Variants in NLRP14 observed in about 807,000 individuals in gnomAD.
The protein encoded by NLRP14 is NACHT, LRR and PYD domains-containing protein 14.
Under a neutral mutation model 94.7 loss-of-function variants are expected in NLRP14, and 105 were observed. The observed-to-expected ratio is 1.11, with a 90% CI of 0.95 to 1.30. The LOEUF (loss-of-function observed/expected upper bound fraction) is 1.30. NLRP14 is among the 50% of genes most tolerant of loss of function. The probability of loss-of-function intolerance (pLI) is 0.00; values close to 1 mark genes in which losing one functional copy is unlikely to be tolerated. For missense variants in NLRP14, 1,362 were observed against 1,254.1 expected (o/e 1.09, Z -1.30); for synonymous variants, 508 against 459.9 (o/e 1.10, Z -1.34).
At chr11:7,028,746 C>G (rs1429171680) in intron 1 of NLRP14, among the ~76,000 whole-genome samples, 7 of 152,118 alleles carry the variant, frequency 4.6e-5, no homozygotes, top group African/African-American at 1.7e-4. Flanking sequence ...ATTTCTTCAA[C>G]TTGCCATTCT....
At chr11:7,086,230 A>T in the NLRP14 span, among the ~76,000 whole-genome samples, 1 of 152,342 alleles carries the variant, frequency 6.6e-6, no homozygotes, top group East Asian at 1.9e-4. Context: ...TTTGACAATA[A>T]CTATCCTAAT....
At chr11:7,047,341 G>T (rs1312679923) in intron 5 of NLRP14, among the ~76,000 whole-genome samples, 1 of 151,054 alleles carries the variant, frequency 6.6e-6, no homozygotes, top group Non-Finnish European at 1.5e-5. Flanking sequence ...CTGAGACAGG[G>T]TCTTACTCTG....
At position 7,070,328 on chromosome 11, in the gene NLRP14, C is replaced by A. The variant is rs1333599373; in HGVS notation, c.3018C>A (p.Leu1006=). The part of the protein sequence containing the change: ...CGLTSLCCQD[L]SSALICNKRL... ...TGACATCTCTCTGCTGTCAAGATCTCTCCTCTGCTCTTATCTGCAACAAAA... is the reference window on the plus strand; with the variant it reads ...TGACATCTCTCTGCTGTCAAGATCTATCCTCTGCTCTTATCTGCAACAAAA... Residue 1006 remains leucine, a synonymous_variant, in exon 11 of 12, where the codon CTC becomes CTA. Coordinates refer to ENST00000299481, the MANE Select transcript of NLRP14 (RefSeq NM_176822.4). 1.7e-5 allele frequency: 27 copies of A among 1,611,696 alleles called. No homozygotes were observed. The highest frequency in any genetic ancestry group is 2.0e-5 in the Non-Finnish European group (24 of 1,177,934).
At chr11:7,037,775 A>C (rs1298422611) in intron 1 of NLRP14, among the ~76,000 whole-genome samples, 2 of 152,220 alleles carry the variant, frequency 1.3e-5, no homozygotes, top group African/African-American at 4.8e-5. Context: ...GGGAGTTTGC[A>C]GCTTAAAAGT....
At chr11:7,038,947 C>A (rs1852205049) in intron 2 of NLRP14, 72 bp downstream of exon 2, 6 of 1,450,244 alleles carry the variant, frequency 4.1e-6, no homozygotes, top group Non-Finnish European at 5.7e-6. Flanking sequence ...TGGAATGTTT[C>A]TGTAAGAGGG....
rs59846365 is a variant in NLRP14, at chr11:7,031,603, A to G, written c.-21-6963A>G. On this transcript the variant is annotated intron_variant, in intron 1 of 11. Transcript: ENST00000299481. ...CCGCTTCTTGAATCTCCTGGATTAAAGCGGTATGAATAGCCCCACTTTCAC... is the reference window on the plus strand; with the variant it reads ...CCGCTTCTTGAATCTCCTGGATTAAGGCGGTATGAATAGCCCCACTTTCAC... 8.1e-3 allele frequency among the ~76,000 whole-genome samples: 1,231 copies of G among 152,242 alleles called. 17 individuals are homozygous for G. The highest frequency in any genetic ancestry group is 0.026 in the African/African-American group (1,084 of 41,554).
intron 1 of NLRP14, among the ~76,000 whole-genome samples, chr11:7,022,687 G>A (rs10769754): frequency 0.58 from 88,519 of 152,024 alleles, 26,700 homozygotes; most frequent in East Asian, 0.74. Context: ...ATCACAGATC[G>A]GAGGAGATAA....
intron 10 of NLRP14, 60 bp from the exon 11 acceptor site, chr11:7,070,226 G>T: frequency 8.2e-7 from 1 of 1,222,306 alleles, no homozygotes; most frequent in Non-Finnish European, 1.2e-6. Context: ...CAGATCTCTT[G>T]TGGGCTTTGT....
rs1411395245 is a variant in NLRP14 at position 7,042,967 on chromosome 11, G to C, written c.941G>C (p.Arg314Thr). 3.1e-6 allele frequency: 5 copies of C among 1,614,096 alleles called. No homozygotes were observed. Among genetic ancestry groups the C allele is most frequent in the Non-Finnish European group, 4.2e-6 (5 of 1,179,968 alleles). ...ACAACAAGACTCACAACTTCTAAGA[G>C]ACTAAAGCAGTTGTTGAAGAATCAC... ...LVTTRLTTSK[R>T]LKQLLKNHHY... Residue 314 changes from arginine (R) to threonine (T), a missense_variant, in exon 4 of 12, where the codon AGA becomes ACA. Physicochemically the swap from Arg to Thr is moderately conservative, Grantham distance 71. Transcript: ENST00000299481.
Position 7,042,863 on chromosome 11 carries a change from G to A in NLRP14, c.837G>A (p.Trp279Ter). The change falls in exon 4 of 12, where the codon TGG becomes TGA. Residue 279 changes from tryptophan to a stop codon, truncating the protein, a stop_gained. Coordinates refer to ENST00000299481, the MANE Select transcript of NLRP14 (RefSeq NM_176822.4). LOFTEE classifies it high-confidence loss of function. ...CTGAGTTTGCACTGTGCGAAGACTG[G>A]ACCCAAGAACACCCAGTGTCCTTCC... ...EEPEFALCED[W>*]TQEHPVSFLM... 6.2e-7 allele frequency: 1 copy of A among 1,614,174 alleles called. No individual in the cohort carries two copies. The highest frequency in any genetic ancestry group is 8.5e-7 in the Non-Finnish European group (1 of 1,180,044).
intron 8 of NLRP14, 26 bp downstream of exon 8, chr11:7,058,476 T>C (rs186111202): frequency 1.3e-5 from 19 of 1,511,020 alleles, no homozygotes; most frequent in Non-Finnish European, 1.7e-5. Context: ...TTTTTATCCT[T>C]AATATATATT....
intron 6 of NLRP14, among the ~76,000 whole-genome samples, chr11:7,055,214 C>T (rs554072595): frequency 1.7e-4 from 26 of 152,150 alleles, no homozygotes; most frequent in African/African-American, 4.6e-4. Context: ...GATGATTCAC[C>T]TTGGTTTAGA....
rs1565016655 is a variant in NLRP14 at position 7,043,020 on chromosome 11, G to A, written c.994G>A (p.Glu332Lys). 8 of 1,614,068 alleles carry A rather than the reference G, an allele frequency of 5.0e-6. No homozygotes were observed. The highest frequency in any genetic ancestry group is 3.3e-5 in the Admixed American group (2 of 60,000). ...TTATGTAGAGCTACTAGGAATGTCT[G>A]AGGATGCAAGAGAGGAGTATATTTA... ...HHYVELLGMS[E>K]DAREEYIYQF... Residue 332 changes from glutamate to lysine, a missense_variant, in exon 4 of 12, where the codon GAG becomes AAG. By Grantham distance (56) the Glu-to-Lys change is moderately conservative. Transcript: ENST00000299481.
rs1257386225 is a variant in NLRP14 at position 7,070,476 on chromosome 11, TC to T, written c.3146+21del. 15 of 1,586,386 alleles carry T rather than the reference TC, an allele frequency of 9.5e-6. No individual in the cohort carries two copies. The highest frequency in any genetic ancestry group is 6.7e-5 in the East Asian group (3 of 44,696). Reference sequence around the variant, plus strand: ...TCTAGGGTAAGTCTCCATTGGCTTCTCAGGGGGAGCATTTCCTATAATGAGG... The same window carrying T: ...TCTAGGGTAAGTCTCCATTGGCTTCTAGGGGGAGCATTTCCTATAATGAGG... On this transcript the variant is annotated intron_variant, in intron 11 of 11. Coordinates refer to ENST00000299481, the MANE Select transcript of NLRP14 (RefSeq NM_176822.4).
intron 1 of NLRP14, 124 bp from the exon 2 acceptor site, chr11:7,038,442 A>C (rs1173320382): frequency 2.3e-5 from 18 of 772,308 alleles, no homozygotes; most frequent in Non-Finnish European, 3.7e-5. Context: ...TACCGAGCCT[A>C]ATACAGTGGG....
chr11:7,084,405 G>C, the NLRP14 span, among the ~76,000 whole-genome samples: 1 of 152,186 alleles, frequency 6.6e-6, no homozygotes, highest in Admixed American at 6.5e-5. Context: ...ATAGCTTTGG[G>C]ATGGCTGCTG....
chr11:7,046,781 A>G lies in NLRP14; in HGVS notation c.2072A>G (p.Asn691Ser), dbSNP rs1430553338. ...YHSNLDKSAM[N>S]ILHHELRHPN... ...AGCAACCTTGATAAATCAGCAATGA[A>G]TATCCTGCATCATGAACTAAGGCAC... The change falls in exon 5 of 12, where the codon AAT (asparagine) becomes AGT (serine). Residue 691 changes from asparagine (N) to serine (S), a missense_variant. Coordinates refer to ENST00000299481, the MANE Select transcript of NLRP14 (RefSeq NM_176822.4). 8 of 1,613,646 alleles carry G rather than the reference A, an allele frequency of 5.0e-6. No individual in the cohort carries two copies. Among genetic ancestry groups the G allele is most frequent in the Non-Finnish European group, 6.8e-6 (8 of 1,179,650 alleles).
chr11:7,021,624 AT>A (rs1196445807), intron 1 of NLRP14, among the ~76,000 whole-genome samples: 1 of 151,998 alleles, frequency 6.6e-6, no homozygotes, highest in Non-Finnish European at 1.5e-5. Flanking sequence ...GTAAATTGCA[AT>A]GTATTTATTT....
intron 8 of NLRP14, 148 bp downstream of exon 8, chr11:7,058,598 T>C: frequency 1.5e-6 from 1 of 668,534 alleles, no homozygotes; most frequent in South Asian, 1.8e-5. Context: ...ATAATTGCCA[T>C]TTATTGTGTC....
Sources: allele counts gnomAD v4.1 joint callset (sites outside exome capture counted in the v4.1 genomes callset), GRCh38; gene constraint gnomAD v4.1.1; transcripts MANE v1.5; gene names NCBI Gene and HGNC (gene_info 2026-07-23, HGNC 2026-07-21).